The following FCGR2B variants were observed in gnomAD, a reference collection of about 807,000 sequenced individuals.
The protein encoded by FCGR2B is Fc gamma receptor IIb, also known as low affinity immunoglobulin gamma Fc region receptor II-b.
FCGR2B carries 18 observed loss-of-function variants against 24.8 expected under a neutral mutation model. The observed-to-expected ratio is 0.73, with a 90% CI of 0.50 to 1.08. The LOEUF (loss-of-function observed/expected upper bound fraction) is 1.08, where lower values mean the gene tolerates loss of function less well. FCGR2B is among the 50% of genes least tolerant of loss of function. The pLI is 0.00. For missense variants in FCGR2B, 215 were observed against 297.6 expected (o/e 0.72, Z 2.04); for synonymous variants, 79 against 109.8 (o/e 0.72, Z 1.75).
intron 5 of FCGR2B, chr1:161,674,350 G>T (rs1275099648): frequency 6.0e-6 from 2 of 334,636 alleles, no homozygotes; most frequent in Admixed American, 4.0e-5. Flanking sequence ...GGAAGACAGG[G>T]TCATTATAAT....
chr1:161,648,925 T>A, the FCGR2B span, among the ~76,000 whole-genome samples: 7,636 of 150,862 alleles, frequency 0.051, 816 homozygotes, highest in East Asian at 0.25. Flanking sequence ...TTTTTAATAT[T>A]ATATTTCAAT....
chr1:161,671,740 C>T (rs1681684120), intron 3 of FCGR2B, 91 bp downstream of exon 3: 10 of 1,589,022 alleles, frequency 6.3e-6, no homozygotes, highest in African/African-American at 5.4e-5. Flanking sequence ...AGGGGGGTGG[C>T]CTGCTTACTG....
the FCGR2B span, among the ~76,000 whole-genome samples, chr1:161,647,730 T>C: frequency 1.3e-5 from 2 of 150,964 alleles, no homozygotes; most frequent in African/African-American, 4.9e-5. Context: ...AGATGTATAT[T>C]GTCCACTTTT....
chr1:161,671,771 C>T, intron 3 of FCGR2B, 122 bp downstream of exon 3: 5 of 1,537,460 alleles, frequency 3.3e-6, no homozygotes, highest in Admixed American at 1.9e-5. Context: ...CTGTGAGTTG[C>T]CTCAGCACAT....
At chr1:161,677,304 T>C (rs759338138) in intron 6 of FCGR2B, 24 bp from the exon 7 acceptor site, 3 of 1,613,376 alleles carry the variant, frequency 1.9e-6, no homozygotes, top group Non-Finnish European at 2.5e-6. Flanking sequence ...GTGCTCTGGC[T>C]GATATTTCTT....
chr1:161,654,447 T>C, the FCGR2B span, among the ~76,000 whole-genome samples: 2 of 137,052 alleles, frequency 1.5e-5, no homozygotes, highest in African/African-American at 4.9e-5. Flanking sequence ...TGGGCCCTTC[T>C]TCCAGTGATT....
intron 3 of FCGR2B, 71 bp from the exon 4 acceptor site, chr1:161,672,904 G>T: frequency 1.3e-6 from 2 of 1,595,518 alleles, no homozygotes; most frequent in Admixed American, 1.7e-5. Context: ...TGTCCCACCA[G>T]TAAGGAAGAT....
At chr1:161,677,089 A>G (rs1682210553) in intron 6 of FCGR2B, 2 of 540,470 alleles carry the variant, frequency 3.7e-6, no homozygotes, top group African/African-American at 4.0e-5. Context: ...AAAAGAATGC[A>G]GCTCAAGTGA....
At chr1:161,675,454 C>T (rs1379166230) in intron 6 of FCGR2B, 141 bp downstream of exon 6, 5 of 582,842 alleles carry the variant, frequency 8.6e-6, no homozygotes, top group Admixed American at 7.2e-5. Context: ...GGGCTCAAAT[C>T]GCTTGGTCAG....
the FCGR2B span, among the ~76,000 whole-genome samples, chr1:161,652,767 A>C: frequency 1.5e-5 from 2 of 134,598 alleles, 1 homozygote; most frequent in Non-Finnish European, 3.4e-5. Context: ...CACCCCTCTT[A>C]TTCTGGTAAG....
chr1:161,672,848 C>A lies in FCGR2B; in HGVS notation c.392-127C>A, dbSNP rs1206682146. On this transcript the variant is annotated intron_variant, in intron 3 of 7. Transcript: ENST00000358671. ...TAAATGACAGAGCCAGCATTAGAGT[C>A]CAGGACTGTCTGATTTCAGACCTAA... is the stretch of plus-strand genomic sequence containing the variant. The A allele has an allele frequency of 4.3e-6, 6 of 1,405,148 alleles. No individual in the cohort carries two copies. The Admixed American group carries it at 1.5e-4, about 34-fold the overall frequency. 87.0% of individuals were successfully genotyped at this position (1,405,148 alleles called of 1,614,324 possible).
chr1:161,677,438 C>G, intron 7 of FCGR2B, 38 bp from the exon 8 acceptor site: 1 of 1,608,714 alleles, frequency 6.2e-7, no homozygotes, highest in Non-Finnish European at 8.5e-7. Flanking sequence ...CCTAGGCCCT[C>G]TCTGTGGATC....
the FCGR2B span, among the ~76,000 whole-genome samples, chr1:161,649,568 G>A: frequency 3.3e-5 from 5 of 150,728 alleles, no homozygotes; most frequent in Non-Finnish European, 7.4e-5. Context: ...AGATGAATTG[G>A]AACGGAGCAA....
intron 4 of FCGR2B, chr1:161,673,531 G>C: frequency 2.7e-6 from 2 of 730,326 alleles, no homozygotes; most frequent in South Asian, 2.8e-5. Context: ...AAGCTCCTGG[G>C]CATTCCTAAG....
chr1:161,649,991 A>G, the FCGR2B span, among the ~76,000 whole-genome samples: 1 of 150,528 alleles, frequency 6.6e-6, no homozygotes, highest in Non-Finnish European at 1.5e-5. Context: ...ATTTTGTTTT[A>G]GAAAAAAAAA....
intron 6 of FCGR2B, chr1:161,676,017 G>T (rs1355726051): frequency 1.3e-5 from 3 of 232,112 alleles, no homozygotes; most frequent in African/African-American, 6.6e-5. Flanking sequence ...GGGTGGCCAG[G>T]GTGACCTCTC....
chr1:161,673,577 G>A (rs1399852365), intron 4 of FCGR2B: 1 of 692,864 alleles, frequency 1.4e-6, no homozygotes, highest in Non-Finnish European at 2.7e-6. Context: ...CATGGCTCAT[G>A]TTACAGCCAT....
chr1:161,671,841 C>G, intron 3 of FCGR2B, 192 bp downstream of exon 3: 1 of 1,109,424 alleles, frequency 9.0e-7, no homozygotes, highest in Non-Finnish European at 1.3e-6. Context: ...AGGCCAAAAA[C>G]AGGCAGCCAA....
At chr1:161,650,405 G>A in the FCGR2B span, among the ~76,000 whole-genome samples, 1 of 145,164 alleles carries the variant, frequency 6.9e-6, no homozygotes, top group Non-Finnish European at 1.5e-5. Flanking sequence ...GTTGGCCGGA[G>A]ATAAAGACTG....
Sources: allele counts gnomAD v4.1 joint callset (sites outside exome capture counted in the v4.1 genomes callset), GRCh38; gene constraint gnomAD v4.1.1; transcripts MANE v1.5; gene names NCBI Gene and HGNC (gene_info 2026-07-23, HGNC 2026-07-21).